Variants in PTPRK observed in about 807,000 individuals in gnomAD.
PTPRK encodes receptor-type tyrosine-protein phosphatase kappa.
A neutral mutation model predicts 178.0 loss-of-function variants in PTPRK; 75 were observed. That is an observed-to-expected ratio of 0.42 (90% CI 0.35 to 0.51). The LOEUF (loss-of-function observed/expected upper bound fraction) is 0.51, where lower values mean the gene tolerates loss of function less well. Ranked by LOEUF, PTPRK falls within the 20% of genes least tolerant of loss-of-function variation. The probability of loss-of-function intolerance (pLI) is 0.02; values close to 1 mark genes in which losing one functional copy is unlikely to be tolerated. For missense variants in PTPRK, 1,441 were observed against 1,797.8 expected (o/e 0.80, Z 3.59); for synonymous variants, 637 against 620.6 (o/e 1.03, Z -0.39).
chr6:127,987,442 C>T (rs1335760064), intron 21 of PTPRK, among the ~76,000 whole-genome samples: 4 of 151,862 alleles, frequency 2.6e-5, no homozygotes, highest in African/African-American at 4.8e-5. Context: ...GGAACTATAT[C>T]GTTCTTATTA....
At chr6:128,240,302 G>A (rs188760389) in intron 4 of PTPRK, 152 bp from the exon 5 acceptor site, 59 of 619,812 alleles carry the variant, frequency 9.5e-5, no homozygotes, top group African/African-American at 5.9e-4. Context: ...TTTTTGTGCC[G>A]GAAGACACCA....
At chr6:128,184,386 G>A in intron 7 of PTPRK, 46 bp downstream of exon 7, 11 of 1,569,862 alleles carry the variant, frequency 7.0e-6, no homozygotes, top group Non-Finnish European at 9.6e-6. Context: ...TGTGTCTTAT[G>A]CTAGATTCCT....
intron 3 of PTPRK, among the ~76,000 whole-genome samples, chr6:128,266,300 A>T (rs1818936665): frequency 6.6e-6 from 1 of 152,114 alleles, no homozygotes; most frequent in Non-Finnish European, 1.5e-5. Flanking sequence ...AATATCACTA[A>T]ACGCTGCACA....
At chr6:128,206,923 C>T (rs1807082861) in intron 6 of PTPRK, among the ~76,000 whole-genome samples, 1 of 152,130 alleles carries the variant, frequency 6.6e-6, no homozygotes. Flanking sequence ...TTACAAGTTC[C>T]TGTCAACAAC....
intron 13 of PTPRK, among the ~76,000 whole-genome samples, chr6:128,031,380 GA>G (rs555336339): frequency 1.3e-3 from 198 of 152,262 alleles, no homozygotes; most frequent in African/African-American, 4.6e-3. Context: ...CACTTTGTTT[GA>G]AAAGAAAATA....
In PTPRK at chr6:128,205,647, T is replaced by G. The variant is rs140793131; in HGVS notation, c.868+13275A>C. 9.2e-3 allele frequency among the ~76,000 whole-genome samples: 1,392 copies of G among 151,730 alleles called. 20 individuals carry two copies. The highest frequency in any genetic ancestry group is 0.032 in the African/African-American group (1,315 of 41,346). On this transcript the variant is annotated intron_variant, in intron 6 of 29. Coordinates refer to ENST00000368226, the MANE Select transcript of PTPRK (RefSeq NM_002844.4). ...AAAATTGGGAGTGGTGGGGGGCACC[T>G]GTAATCCCAGTTACTTGAGAGGTGG... is the stretch of plus-strand genomic sequence containing the variant.
At chr6:128,283,080 C>A (rs984631463) in intron 3 of PTPRK, among the ~76,000 whole-genome samples, 1 of 152,166 alleles carries the variant, frequency 6.6e-6, no homozygotes, top group Non-Finnish European at 1.5e-5. Context: ...TGCTTTCCCG[C>A]AGCAAAGTGT....
chr6:128,200,794 A>G (rs1206505046), intron 6 of PTPRK, among the ~76,000 whole-genome samples: 1 of 148,450 alleles, frequency 6.7e-6, no homozygotes, highest in Non-Finnish European at 1.5e-5. Flanking sequence ...GAAAAAGAAA[A>G]AAAGACAGAA....
intron 1 of PTPRK, among the ~76,000 whole-genome samples, chr6:128,447,417 G>A (rs1237394264): frequency 6.6e-6 from 1 of 152,116 alleles, no homozygotes; most frequent in Non-Finnish European, 1.5e-5. Context: ...AAACCACTAG[G>A]AGTTGGCTAC....
intron 1 of PTPRK, among the ~76,000 whole-genome samples, chr6:128,408,363 G>A (rs1005732203): frequency 2.0e-5 from 3 of 152,130 alleles, no homozygotes; most frequent in African/African-American, 4.8e-5. Context: ...ACTCCAGCCT[G>A]AGCGACAGAG....
At chr6:128,062,700 A>T in intron 13 of PTPRK, 1 of 160,242 alleles carries the variant, frequency 6.2e-6, no homozygotes. Context: ...TTATTATTTT[A>T]GAGACAGGGT....
At chr6:128,363,364 G>C (rs1206920649) in intron 2 of PTPRK, among the ~76,000 whole-genome samples, 1 of 152,016 alleles carries the variant, frequency 6.6e-6, no homozygotes, top group East Asian at 1.9e-4. Flanking sequence ...TGAGTTTGTG[G>C]GTGACTACAC....
At chr6:128,266,722 A>G (rs978192037) in intron 3 of PTPRK, among the ~76,000 whole-genome samples, 5 of 152,112 alleles carry the variant, frequency 3.3e-5, no homozygotes, top group African/African-American at 1.2e-4. Flanking sequence ...ATCCAAGCAA[A>G]GCTCACAGGG....
chr6:128,513,112 CT>C (rs1450298255), intron 1 of PTPRK, among the ~76,000 whole-genome samples: 1 of 152,012 alleles, frequency 6.6e-6, no homozygotes, highest in African/African-American at 2.4e-5. Context: ...TCTGAGCATT[CT>C]TTTAAAAAGC....
Position 128,208,298 on chromosome 6 carries a change from C to CAAAAAA in PTPRK, c.868+10618_868+10623dup, listed in dbSNP as rs3058186. Among the ~76,000 whole-genome samples, 546 of 105,008 alleles carry CAAAAAA rather than the reference C, an allele frequency of 5.2e-3. 5 individuals carry two copies. The highest frequency in any genetic ancestry group is 0.017 in the African/African-American group (510 of 30,108). 68.9% of individuals were successfully genotyped at this position (105,008 alleles called of 152,430 possible). On this transcript the variant is annotated intron_variant, in intron 6 of 29. Coordinates refer to ENST00000368226, the MANE Select transcript of PTPRK (RefSeq NM_002844.4). ...CTGTTAGCCAAAAGTCCTACACCCT[C>CAAAAAA]AAAAAAAAAAAAAAAAAATTCCCTC...
chr6:128,481,718 A>C (rs1852104175), intron 1 of PTPRK, among the ~76,000 whole-genome samples: 1 of 152,020 alleles, frequency 6.6e-6, no homozygotes, highest in Non-Finnish European at 1.5e-5. Flanking sequence ...TATAATTATA[A>C]TTATAATACT....
chr6:128,268,879 T>C (rs1819358095), intron 3 of PTPRK, among the ~76,000 whole-genome samples: 2 of 152,112 alleles, frequency 1.3e-5, no homozygotes, highest in South Asian at 4.1e-4. Context: ...AAAATGTTTC[T>C]TGATGAGTTT....
chr6:128,008,412 C>T (rs1290143149), intron 14 of PTPRK, among the ~76,000 whole-genome samples: 1 of 150,842 alleles, frequency 6.6e-6, no homozygotes, highest in Non-Finnish European at 1.5e-5. Context: ...ATATTAGTTT[C>T]CAAGACAATG....
chr6:128,430,187 A>G (rs1332543139), intron 1 of PTPRK, among the ~76,000 whole-genome samples: 4 of 152,188 alleles, frequency 2.6e-5, no homozygotes, highest in Admixed American at 6.5e-5. Flanking sequence ...CTCTAAAACC[A>G]TGGAAATTCA....
Sources: allele counts gnomAD v4.1 joint callset (sites outside exome capture counted in the v4.1 genomes callset), GRCh38; gene constraint gnomAD v4.1.1; transcripts MANE v1.5; gene names NCBI Gene and HGNC (gene_info 2026-07-23, HGNC 2026-07-21).